ATP1A1: variants seen among roughly 807,000 people sequenced by gnomAD.
The protein encoded by ATP1A1 is sodium/potassium-transporting ATPase subunit alpha-1.
Under a neutral mutation model 114.8 loss-of-function variants are expected in ATP1A1, and 14 were observed. The observed-to-expected ratio is 0.12, with a 90% CI of 0.08 to 0.19. ATP1A1 has a LOEUF of 0.19. Among genes scored for constraint, ATP1A1 ranks in the 10% least tolerant of loss-of-function variants. ATP1A1 has a pLI of 1.00. For synonymous variants in ATP1A1, 471 were observed against 466.3 expected (o/e 1.01, Z -0.13); for missense variants, 524 against 1,290.7 (o/e 0.41, Z 9.10).
intron 18 of ATP1A1, among the ~76,000 whole-genome samples, chr1:116,400,656 T>G (rs1272397240): frequency 6.6e-6 from 1 of 152,132 alleles, no homozygotes; most frequent in Non-Finnish European, 1.5e-5. Flanking sequence ...CAGAGGGCCC[T>G]GAGATTGGAG....
In ATP1A1 at chr1:116,398,792, G is replaced by A. The variant is rs2101061730; in HGVS notation, c.2293+3G>A. Reference sequence around the variant, plus strand: ...AATTGTGACTGGAGTAGAGGAAGGTGAGAGCTATTTAAGGTGTACACCAAG... The same window carrying A: ...AATTGTGACTGGAGTAGAGGAAGGTAAGAGCTATTTAAGGTGTACACCAAG... On this transcript the variant is annotated splice_donor_region_variant and intron_variant, in intron 16 of 22. Coordinates refer to ENST00000295598, the MANE Select transcript of ATP1A1 (RefSeq NM_000701.8). This position sits in a 1 kb window ranked among gnomAD's most constrained non-coding sequence, Gnocchi z 6.1. The A allele has an allele frequency of 1.2e-6, 2 of 1,614,032 alleles. No homozygotes were observed. The highest frequency in any genetic ancestry group is 1.1e-5 in the South Asian group (1 of 91,064).
In ATP1A1 at chr1:116,384,748, G is replaced by A. The variant is rs1204778843; in HGVS notation, c.124-35G>A. 3 of 1,559,062 alleles carry A rather than the reference G, an allele frequency of 1.9e-6. No individual in the cohort carries two copies. The African/African-American group carries it at 4.1e-5, about 21-fold the overall frequency. ...TTCTGTCATTTTTTTATACTACACT[G>A]TTTAACTATTTTCTTTGTTTCTGTT... On this transcript the variant is annotated intron_variant, in intron 2 of 22. Transcript: ENST00000295598. This position sits in a 1 kb window ranked among gnomAD's most constrained non-coding sequence, Gnocchi z 5.1.
At position 116,404,112 on chromosome 1, in the gene ATP1A1, TG is replaced by T; in HGVS notation, c.3043+138del. 3 of 834,590 alleles carry T rather than the reference TG, an allele frequency of 3.6e-6. No individual in the cohort carries two copies. Among genetic ancestry groups the T allele is most frequent in the Non-Finnish European group, 5.7e-6 (3 of 526,664 alleles). The allele number at this position is 834,590 out of a possible 1,614,324, so 51.7% of individuals were successfully genotyped here. ...AGCTAAGGTGACTGGACCAGCAAACTGACCATAGTCACATCTTCAGAATGTA... is the reference window on the plus strand; with the variant it reads ...AGCTAAGGTGACTGGACCAGCAAACTACCATAGTCACATCTTCAGAATGTA... On this transcript the variant is annotated intron_variant, in intron 22 of 22. Transcript: ENST00000295598. This position sits in a 1 kb window ranked among gnomAD's most constrained non-coding sequence, Gnocchi z 4.8.
At position 116,378,492 on chromosome 1, in the gene ATP1A1, A is replaced by G. The variant is rs1334729572; in HGVS notation, c.12+4969A>G. Among the ~76,000 whole-genome samples, 5 of 152,130 alleles carry G rather than the reference A, an allele frequency of 3.3e-5. No individual in the cohort carries two copies. The East Asian group carries it at 7.7e-4, about 23-fold the overall frequency. On this transcript the variant is annotated intron_variant, in intron 1 of 22. Coordinates refer to ENST00000295598, the MANE Select transcript of ATP1A1 (RefSeq NM_000701.8). The stretch of plus-strand genomic sequence containing the variant: ...TTGGGAGCCTGATAATCAGTGTAAG[A>G]TTTTGTGACTCAGTGGGCCTTGCTG...
At chr1:116,390,623 C>T (rs1652392436) in intron 9 of ATP1A1, among the ~76,000 whole-genome samples, 159 bp from the exon 10 acceptor site, 2 of 149,950 alleles carry the variant, frequency 1.3e-5, no homozygotes, top group Admixed American at 1.3e-4. Context: ...AATTGCCCTA[C>T]AAACGTGACT....
chr1:116,403,779 C>T (rs1653737095), intron 21 of ATP1A1, 105 bp from the exon 22 acceptor site: 1 of 999,400 alleles, frequency 1.0e-6, no homozygotes, highest in South Asian at 1.5e-5. Context: ...CTTGGCTTCT[C>T]CTTTCAGGCT....
chr1:116,390,810 C>G lies in ATP1A1; in HGVS notation c.1251C>G (p.Thr417=). Reference sequence around the variant, plus strand: ...TCTCTTTTGACAAGACTTCAGCTACCTGGCTTGCTCTGTCCAGAATTGCAG... The same window carrying G: ...TCTCTTTTGACAAGACTTCAGCTACGTGGCTTGCTCTGTCCAGAATTGCAG... ...SGVSFDKTSA[T]WLALSRIAGL... The change falls in exon 10 of 23, where the codon ACC becomes ACG. Residue 417 remains threonine (T), a synonymous_variant. Transcript: ENST00000295598. 6.2e-7 allele frequency: 1 copy of G among 1,614,152 alleles called. No homozygotes were observed. The highest frequency in any genetic ancestry group is 8.5e-7 in the Non-Finnish European group (1 of 1,180,018).
In ATP1A1 at chr1:116,373,476, G is replaced by T. The variant is rs960140606; in HGVS notation, c.-36G>T. ...GTGCTTTTCTCTCTGATTCTCCAGC[G>T]ACAGGACCCGGCGCCGGGCACTGAG... On this transcript the variant is annotated 5_prime_UTR_variant, in exon 1 of 23. Transcript: ENST00000295598. 4 of 1,511,546 alleles carry T rather than the reference G, an allele frequency of 2.6e-6. No individual in the cohort carries two copies. The highest frequency in any genetic ancestry group is 1.2e-5 in the South Asian group (1 of 80,762). 93.6% of individuals were successfully genotyped at this position (1,511,546 alleles called of 1,614,324 possible).
At chr1:116,394,334 T>G (rs1270530375) in intron 12 of ATP1A1, among the ~76,000 whole-genome samples, 2 of 152,224 alleles carry the variant, frequency 1.3e-5, no homozygotes, top group African/African-American at 4.8e-5. Flanking sequence ...AGATACTACA[T>G]TCATTATTTA....
In ATP1A1 at chr1:116,388,484, A is replaced by T. The variant is rs116715257; in HGVS notation, c.502-154A>T. 5.7e-3 allele frequency: 6,648 copies of T among 1,163,638 alleles called. 20 individuals carry two copies. Among genetic ancestry groups the T allele is most frequent in the Non-Finnish European group, 6.9e-3 (5,837 of 841,214 alleles). The allele number at this position is 1,163,638 out of a possible 1,614,324, so 72.1% of individuals were successfully genotyped here. A position where few individuals can be genotyped will look rare whatever the true frequency, so the allele number is the denominator to read the frequency against. ...AACAGCAATATCTCTTAAACTGGCG[A>T]GCAAGCTTTTGTAACTTGTGTAAAT... On this transcript the variant is annotated intron_variant, in intron 5 of 22. Transcript: ENST00000295598. The surrounding 1 kb of genome is among the most constrained non-coding windows in gnomAD (Gnocchi z 5.6).
chr1:116,383,271 C>G (rs1223997944), intron 1 of ATP1A1: 6 of 810,878 alleles, frequency 7.4e-6, no homozygotes, highest in Non-Finnish European at 9.2e-6. Flanking sequence ...TTTTTTATCT[C>G]TTATGCAAAG....
intron 1 of ATP1A1, among the ~76,000 whole-genome samples, chr1:116,382,100 T>C (rs1045820685): frequency 3.9e-5 from 6 of 152,104 alleles, no homozygotes; most frequent in African/African-American, 1.2e-4. Flanking sequence ...CTTGAACCCT[T>C]GGGCGGAGGT....
chr1:116,404,354 G>A lies in ATP1A1; in HGVS notation c.3044-62G>A, dbSNP rs1172197433. On this transcript the variant is annotated intron_variant, in intron 22 of 22. Transcript: ENST00000295598. The surrounding 1 kb of genome is among the most constrained non-coding windows in gnomAD (Gnocchi z 4.8). Reference sequence around the variant, plus strand: ...TTGGTTTTCATCCCTGTTTCCCTCTGTAATGCTGGAGCGAGGAAGACTCAC... The same window carrying A: ...TTGGTTTTCATCCCTGTTTCCCTCTATAATGCTGGAGCGAGGAAGACTCAC... 6.2e-7 allele frequency: 1 copy of A among 1,607,082 alleles called. No individual in the cohort carries two copies. Among genetic ancestry groups the A allele is most frequent in the African/African-American group, 1.3e-5 (1 of 74,810 alleles).
chr1:116,393,151 C>A lies in ATP1A1; in HGVS notation c.1467+163C>A. The A allele has an allele frequency of 1.9e-6, 2 of 1,059,216 alleles. No homozygotes were observed. Among genetic ancestry groups the A allele is most frequent in the Non-Finnish European group, 2.7e-6 (2 of 752,642 alleles). 65.6% of individuals were successfully genotyped at this position (1,059,216 alleles called of 1,614,324 possible). On this transcript the variant is annotated intron_variant, in intron 11 of 22. Transcript: ENST00000295598. The surrounding 1 kb of genome is among the most constrained non-coding windows in gnomAD (Gnocchi z 5.0). ...AGAATGCCATAATTTAGTTGAATAT[C>A]AGCAGGATAAATGAAGCCTCTTGCA...
Position 116,388,792 on chromosome 1 carries a change from A to G in ATP1A1, c.636+20A>G, listed in dbSNP as rs1557784957. The G allele has an allele frequency of 6.2e-7, 1 of 1,613,892 alleles. No individual in the cohort carries two copies. Among genetic ancestry groups the G allele is most frequent in the Non-Finnish European group, 8.5e-7 (1 of 1,179,878 alleles). The stretch of plus-strand genomic sequence containing the variant: ...TGCAAGGTAGCTCTTTTATTTTAAC[A>G]AACCTCATAGCTAGCTCTGCTGTTC... On this transcript the variant is annotated intron_variant, in intron 6 of 22. Transcript: ENST00000295598. The surrounding 1 kb of genome is among the most constrained non-coding windows in gnomAD (Gnocchi z 5.6).
At position 116,373,381 on chromosome 1, in the gene ATP1A1, C is replaced by T; in HGVS notation, c.-131C>T. The T allele has an allele frequency of 1.7e-6, 1 of 594,484 alleles. No homozygotes were observed. The allele number at this position is 594,484 out of a possible 1,614,324, so 36.8% of individuals were successfully genotyped here. A position where few individuals can be genotyped will look rare whatever the true frequency, so the allele number is the denominator to read the frequency against. ...GCCGCCGGCCGCCCTCCCACCCTCCCGCCCCGCGGCAGCCCTAGCTCCCTC... is the reference window on the plus strand; with the variant it reads ...GCCGCCGGCCGCCCTCCCACCCTCCTGCCCCGCGGCAGCCCTAGCTCCCTC... On this transcript the variant is annotated 5_prime_UTR_variant, in exon 1 of 23. Coordinates refer to ENST00000295598, the MANE Select transcript of ATP1A1 (RefSeq NM_000701.8).
Position 116,401,228 on chromosome 1 carries a change from C to G in ATP1A1, c.2817C>G (p.Thr939=), listed in dbSNP as rs1173367160. 1.2e-6 allele frequency: 2 copies of G among 1,614,148 alleles called. No homozygotes were observed. The highest frequency in any genetic ancestry group is 2.2e-5 in the South Asian group (2 of 91,078). ...VQWADLVICK[T]RRNSVFQQGM... is the part of the protein sequence containing the mutation. ...GGGCCGACTTGGTCATCTGTAAGAC[C>G]AGGAGGAATTCGGTCTTCCAGCAGG... Residue 939 remains threonine (T), a synonymous_variant, in exon 20 of 23, where the codon ACC becomes ACG. Coordinates refer to ENST00000295598, the MANE Select transcript of ATP1A1 (RefSeq NM_000701.8). This position sits in a 1 kb window ranked among gnomAD's most constrained non-coding sequence, Gnocchi z 4.7.
In ATP1A1 at chr1:116,393,023, C is replaced by G. The variant is rs1652596020; in HGVS notation, c.1467+35C>G. On this transcript the variant is annotated intron_variant, in intron 11 of 22. Transcript: ENST00000295598. The surrounding 1 kb of genome is among the most constrained non-coding windows in gnomAD (Gnocchi z 5.0). ...TCGATGGGTACACGGAGGGCGAGGG[C>G]AAGCTGGGGGACAAAGAGGGGAGGT... is the stretch of plus-strand genomic sequence containing the variant. 1.2e-6 allele frequency: 2 copies of G among 1,609,126 alleles called. No individual in the cohort carries two copies. Among genetic ancestry groups the G allele is most frequent in the Admixed American group, 1.7e-5 (1 of 59,488 alleles).
chr1:116,383,001 T>C (rs1028774489), intron 1 of ATP1A1, among the ~76,000 whole-genome samples: 1 of 152,210 alleles, frequency 6.6e-6, no homozygotes, highest in African/African-American at 2.4e-5. Context: ...CGCTAAGCTT[T>C]GGAGCACCAA....
Sources: allele counts gnomAD v4.1 joint callset (sites outside exome capture counted in the v4.1 genomes callset), GRCh38; gene constraint gnomAD v4.1.1; non-coding constraint Gnocchi (gnomAD v3.1); transcripts MANE v1.5; gene names NCBI Gene and HGNC (gene_info 2026-07-23, HGNC 2026-07-21).